Variants in RANBP2 observed in about 807,000 individuals in gnomAD.
RANBP2 encodes the protein E3 SUMO-protein ligase RanBP2.
Under a neutral mutation model 303.6 loss-of-function variants are expected in RANBP2, and 57 were observed. The observed-to-expected ratio is 0.19, with a 90% CI of 0.15 to 0.23. RANBP2 has a LOEUF of 0.23. Ranked by LOEUF, RANBP2 falls within the 10% of genes least tolerant of loss-of-function variation. The probability of loss-of-function intolerance (pLI) is 1.00; values close to 1 mark genes in which losing one functional copy is unlikely to be tolerated. For missense variants in RANBP2, 3,138 were observed against 3,780.8 expected (o/e 0.83, Z 4.46); for synonymous variants, 1,167 against 1,301.5 (o/e 0.90, Z 2.23).
the RANBP2 span, chr2:108,839,270 G>A: frequency 6.2e-7 from 1 of 1,612,184 alleles, no homozygotes; most frequent in East Asian, 2.2e-5. Context: ...TTTATATATT[G>A]GTCCCTAAGG....
At chr2:109,437,256 G>A in the RANBP2 span, 1 of 1,434,886 alleles carries the variant, frequency 7.0e-7, no homozygotes, top group Non-Finnish European at 9.2e-7. Context: ...TGTGGCTGGT[G>A]GCAGCTTCAT....
chr2:109,314,215 A>T, the RANBP2 span, among the ~76,000 whole-genome samples: 2 of 152,274 alleles, frequency 1.3e-5, no homozygotes, highest in Admixed American at 1.3e-4. Context: ...CACCAGAACC[A>T]TGTGGGTCAT....
chr2:109,608,406 A>G, the RANBP2 span, among the ~76,000 whole-genome samples: 3 of 152,230 alleles, frequency 2.0e-5, no homozygotes, highest in Non-Finnish European at 4.4e-5. Context: ...CCATAAATAC[A>G]GACCACACAG....
the RANBP2 span, among the ~76,000 whole-genome samples, chr2:109,235,820 G>T: frequency 1.3e-5 from 2 of 152,186 alleles, no homozygotes; most frequent in African/African-American, 4.8e-5. Context: ...TCGGCACCAG[G>T]GTGGGCCTCC....
the RANBP2 span, among the ~76,000 whole-genome samples, chr2:109,666,439 C>T: frequency 2.0e-5 from 3 of 152,324 alleles, no homozygotes; most frequent in Admixed American, 2.0e-4. Context: ...GAAATATTAT[C>T]TGTATAGTTG....
chr2:109,363,598 ATT>A, the RANBP2 span, among the ~76,000 whole-genome samples: 1 of 152,044 alleles, frequency 6.6e-6, no homozygotes, highest in Non-Finnish European at 1.5e-5. Flanking sequence ...GACCTATATT[ATT>A]TTTCTTCTCT....
the RANBP2 span, among the ~76,000 whole-genome samples, chr2:109,332,149 CT>C: frequency 1.1e-3 from 167 of 152,284 alleles, no homozygotes; most frequent in African/African-American, 3.7e-3. Context: ...CAGAGAGGCG[CT>C]TTACCCATGA....
rs1412460951 is a variant in RANBP2 at position 108,749,040 on chromosome 2, C to T, written c.1184C>T (p.Pro395Leu). The change falls in exon 9 of 29, where the codon CCT becomes CTT. Residue 395 changes from proline to leucine, a missense_variant. Pro to Leu is a moderately conservative substitution (Grantham distance 98). Around this residue, in one of 20 missense-constraint regions of RANBP2, gnomAD observed 95 missense variants for 86.4 expected, o/e 1.10. Coordinates refer to ENST00000283195, the MANE Select transcript of RANBP2 (RefSeq NM_006267.5). The stretch of plus-strand genomic sequence containing the variant: ...GATGCTCTGTTTTCTAGTCAGTCAC[C>T]TAAGGATACATCTTTTCTTGGTAGC... ...LYDALFSSQS[P>L]KDTSFLGSDD... 6 of 1,611,752 alleles carry T rather than the reference C, an allele frequency of 3.7e-6. No individual in the cohort carries two copies. Among genetic ancestry groups the T allele is most frequent in the African/African-American group, 1.3e-5 (1 of 74,798 alleles).
rs1383623493 is a variant in RANBP2, at chr2:108,764,008, G to C, written c.3469G>C (p.Asp1157His). The C allele has an allele frequency of 1.2e-6, 2 of 1,613,932 alleles. No individual in the cohort carries two copies. Among genetic ancestry groups the C allele is most frequent in the African/African-American group, 1.3e-5 (1 of 75,030 alleles). The change falls in exon 20 of 29, where the codon GAT becomes CAT. Residue 1157 changes from aspartate to histidine, a missense_variant. Physicochemically the swap from Asp to His is moderately conservative, Grantham distance 81 (BLOSUM62 -1). Transcript: ENST00000283195. ...LETANKNHET[D>H]GGSAHGDDDD... is the part of the protein sequence containing the mutation. Reference sequence around the variant, plus strand: ...GACAGCAAACAAGAATCATGAGACAGATGGAGGAAGTGCCCATGGGGATGA... The same window carrying C: ...GACAGCAAACAAGAATCATGAGACACATGGAGGAAGTGCCCATGGGGATGA...
chr2:109,399,857 C>T, the RANBP2 span, among the ~76,000 whole-genome samples: 1 of 152,202 alleles, frequency 6.6e-6, no homozygotes, highest in South Asian at 2.1e-4. Flanking sequence ...TGACCTTCTG[C>T]AGGACTGTGG....
the RANBP2 span, among the ~76,000 whole-genome samples, chr2:109,289,724 C>T: frequency 2.6e-5 from 4 of 152,104 alleles, no homozygotes; most frequent in Non-Finnish European, 5.9e-5. Flanking sequence ...ACTTCAGGAA[C>T]GCATGCTGAG....
chr2:109,279,541 A>C, the RANBP2 span, among the ~76,000 whole-genome samples: 47 of 152,288 alleles, frequency 3.1e-4, 2 homozygotes, highest in South Asian at 9.7e-3. Context: ...CTTGTCCTAC[A>C]GGTCAGGGCT....
At chr2:109,529,664 G>A in the RANBP2 span, among the ~76,000 whole-genome samples, 1 of 152,328 alleles carries the variant, frequency 6.6e-6, no homozygotes, top group Non-Finnish European at 1.5e-5. Flanking sequence ...CAGGAAGGGG[G>A]AACTGTGGAA....
At chr2:109,438,301 G>A in the RANBP2 span, among the ~76,000 whole-genome samples, 3 of 152,204 alleles carry the variant, frequency 2.0e-5, no homozygotes, top group Non-Finnish European at 4.4e-5. Flanking sequence ...GGGTGCAGGT[G>A]GACTTTGAGT....
chr2:109,304,027 G>A, the RANBP2 span, among the ~76,000 whole-genome samples: 174 of 151,900 alleles, frequency 1.1e-3, no homozygotes, highest in Non-Finnish European at 1.6e-3. Flanking sequence ...CTTGAACCTG[G>A]AAAGCAGAGG....
chr2:109,398,808 G>A, the RANBP2 span: 7 of 1,613,812 alleles, frequency 4.3e-6, no homozygotes, highest in Admixed American at 8.3e-5. Context: ...TCAGTGTGAC[G>A]CACAGATCCT....
intron 17 of RANBP2, among the ~76,000 whole-genome samples, chr2:108,757,601 T>C (rs1249235039): frequency 6.6e-6 from 1 of 152,222 alleles, no homozygotes; most frequent in African/African-American, 2.4e-5. Flanking sequence ...TAGTTGTATT[T>C]TGTTTCAGCA....
chr2:108,815,461 G>GTTTTTTTTTTTTTTTTTT, the RANBP2 span, among the ~76,000 whole-genome samples: 1 of 70,700 alleles, frequency 1.4e-5, no homozygotes, highest in Non-Finnish European at 2.5e-5. Flanking sequence ...GGTTTTTGGT[G>GTTTTTTTTTTTTTTTTTT]TTTTTTTTTT....
At chr2:109,574,930 G>A in the RANBP2 span, among the ~76,000 whole-genome samples, 10 of 152,252 alleles carry the variant, frequency 6.6e-5, no homozygotes, top group African/African-American at 1.7e-4. Context: ...CAGAACATGC[G>A]CAAAAGCTAT....
Sources: allele counts gnomAD v4.1 joint callset (sites outside exome capture counted in the v4.1 genomes callset), GRCh38; gene constraint gnomAD v4.1.1; regional missense constraint gnomAD v4.1.1; transcripts MANE v1.5; gene names NCBI Gene and HGNC (gene_info 2026-07-23, HGNC 2026-07-21).